Variants in CDH13 observed in about 807,000 individuals in gnomAD.
CDH13 encodes the protein cadherin-13.
CDH13 carries 24 observed loss-of-function variants against 63.8 expected under a neutral mutation model. That is an observed-to-expected ratio of 0.38 (90% confidence interval 0.27 to 0.53). The LOEUF (loss-of-function observed/expected upper bound fraction) is 0.53, where lower values mean the gene tolerates loss of function less well. Ranked by LOEUF, CDH13 falls within the 20% of genes least tolerant of loss-of-function variation. The pLI, the probability that CDH13 is intolerant of heterozygous loss-of-function variation, is 0.85. For missense variants in CDH13, 1,049 were observed against 903.1 expected, an observed-to-expected ratio of 1.16 and a Z score of -2.07; for synonymous variants, 503 against 355.3, an observed-to-expected ratio of 1.42 and a Z score of -4.67.
chr16:83,332,323 T>G (rs1170697701), intron 5 of CDH13, among the ~76,000 whole-genome samples: 3 of 152,182 alleles, frequency 2.0e-5, no homozygotes, highest in Non-Finnish European at 4.4e-5. Flanking sequence ...TCAATGACTT[T>G]ATTCCTCCTA....
intron 3 of CDH13, among the ~76,000 whole-genome samples, chr16:83,064,020 A>G (rs1053422695): frequency 2.0e-5 from 3 of 152,074 alleles, no homozygotes; most frequent in African/African-American, 7.2e-5. Context: ...AAGTCAGATG[A>G]GTGTATGAGT....
intron 7 of CDH13, among the ~76,000 whole-genome samples, chr16:83,559,982 C>A (rs1390915387): frequency 1.3e-5 from 2 of 152,290 alleles, no homozygotes; most frequent in East Asian, 3.9e-4. Flanking sequence ...GCCTCATTGC[C>A]TGATACATCC....
chr16:83,156,911 T>G (rs2037230310), intron 4 of CDH13, among the ~76,000 whole-genome samples: 1 of 152,154 alleles, frequency 6.6e-6, no homozygotes. Flanking sequence ...CAGATGAAAA[T>G]AAGGTCTGCT....
At chr16:83,602,401 G>T in intron 7 of CDH13, 53 bp from the exon 8 acceptor site, 1 of 1,603,636 alleles carries the variant, frequency 6.2e-7, no homozygotes, top group Non-Finnish European at 8.5e-7. Context: ...CCTTTCCAAA[G>T]CAGTAACCCA....
chr16:83,333,810 T>G (rs1055072399), intron 5 of CDH13, among the ~76,000 whole-genome samples: 2 of 152,186 alleles, frequency 1.3e-5, no homozygotes, highest in Non-Finnish European at 2.9e-5. Flanking sequence ...TTGTTTCGGC[T>G]TCATTGTTAA....
chr16:83,035,071 T>A (rs1916725766), intron 3 of CDH13, among the ~76,000 whole-genome samples: 1 of 150,642 alleles, frequency 6.6e-6, no homozygotes, highest in East Asian at 1.9e-4. Flanking sequence ...GCTGTGTCCT[T>A]CATAAAAACG....
At chr16:83,699,124 G>C (rs567934224) in intron 10 of CDH13, among the ~76,000 whole-genome samples, 122 of 152,340 alleles carry the variant, frequency 8.0e-4, no homozygotes, top group African/African-American at 2.8e-3. Context: ...GCCAATGTTT[G>C]CTAAATGCAT....
intron 6 of CDH13, among the ~76,000 whole-genome samples, chr16:83,375,347 C>G (rs929066647): frequency 4.6e-5 from 7 of 152,196 alleles, no homozygotes; most frequent in Admixed American, 2.0e-4. Flanking sequence ...TTGTGGTTGT[C>G]TGTGTGATTC....
At chr16:83,321,819 G>A (rs549090831) in intron 5 of CDH13, among the ~76,000 whole-genome samples, 55 of 152,262 alleles carry the variant, frequency 3.6e-4, no homozygotes, top group African/African-American at 1.1e-3. Flanking sequence ...TGAGCTCTGC[G>A]CCGGGCCAGA....
intron 5 of CDH13, among the ~76,000 whole-genome samples, chr16:83,235,372 G>GC (rs2040114122): frequency 6.6e-6 from 1 of 152,088 alleles, no homozygotes; most frequent in Non-Finnish European, 1.5e-5. Context: ...CCACCATAGA[G>GC]CGTTGCTATG....
intron 4 of CDH13, among the ~76,000 whole-genome samples, chr16:83,131,224 C>G (rs2151655770): frequency 7.7e-6 from 1 of 130,044 alleles, no homozygotes; most frequent in Non-Finnish European, 1.5e-5. Flanking sequence ...ACACAGGAGA[C>G]AACCCGAGAG....
At chr16:83,749,526 T>C (rs951053111) in intron 11 of CDH13, among the ~76,000 whole-genome samples, 1 of 152,188 alleles carries the variant, frequency 6.6e-6, no homozygotes, top group African/African-American at 2.4e-5. Flanking sequence ...AGGAATCTAT[T>C]TGGATGTATG....
At chr16:83,078,443 A>G (rs751598495) in intron 3 of CDH13, among the ~76,000 whole-genome samples, 4 of 152,210 alleles carry the variant, frequency 2.6e-5, no homozygotes, top group Non-Finnish European at 5.9e-5. Flanking sequence ...GCATGTGAGG[A>G]TCACAATTGG....
Position 83,660,363 on chromosome 16 carries a change from A to G in CDH13, c.1102-10427A>G, listed in dbSNP as rs181816600. On this transcript the variant is annotated intron_variant, in intron 8 of 13. Transcript: ENST00000567109. Reference sequence around the variant, plus strand: ...GATCATCAAGTATTAGATTCTCATGAGGAATACACAACCTAGGTCCCTCGT... The same window carrying G: ...GATCATCAAGTATTAGATTCTCATGGGGAATACACAACCTAGGTCCCTCGT... 4.7e-3 allele frequency among the ~76,000 whole-genome samples: 716 copies of G among 152,294 alleles called. 7 individuals carry two copies. The highest frequency in any genetic ancestry group is 6.1e-3 in the Non-Finnish European group (413 of 68,018).
chr16:83,715,107 T>G (rs565122528), intron 10 of CDH13, among the ~76,000 whole-genome samples: 19 of 152,318 alleles, frequency 1.2e-4, no homozygotes, highest in African/African-American at 3.6e-4. Context: ...ATGCCTTTGC[T>G]CATAAATACC....
chr16:83,359,071 G>T (rs949811802), intron 6 of CDH13, among the ~76,000 whole-genome samples: 1 of 152,066 alleles, frequency 6.6e-6, no homozygotes, highest in Non-Finnish European at 1.5e-5. Flanking sequence ...GGTTTTCAGA[G>T]AATATTAATT....
chr16:82,942,601 C>G (rs1252861205), intron 2 of CDH13, among the ~76,000 whole-genome samples: 3 of 152,140 alleles, frequency 2.0e-5, no homozygotes, highest in African/African-American at 4.8e-5. Flanking sequence ...GCAGTTTTCT[C>G]ATTTTATGAT....
chr16:82,772,526 T>A (rs1053213774), intron 1 of CDH13, among the ~76,000 whole-genome samples: 2 of 152,126 alleles, frequency 1.3e-5, no homozygotes, highest in Admixed American at 1.3e-4. Flanking sequence ...CAACCTGAGG[T>A]GGCCTGGGTA....
At chr16:82,898,844 A>G (rs1367465752) in intron 2 of CDH13, among the ~76,000 whole-genome samples, 1 of 147,726 alleles carries the variant, frequency 6.8e-6, no homozygotes, top group Non-Finnish European at 1.5e-5. Context: ...TTTCTAGGAA[A>G]CAGAGTCTGA....
Sources: allele counts gnomAD v4.1 joint callset (sites outside exome capture counted in the v4.1 genomes callset), GRCh38; gene constraint gnomAD v4.1.1; transcripts MANE v1.5; gene names NCBI Gene and HGNC (gene_info 2026-07-23, HGNC 2026-07-21).